Variants in IL1RAPL1 observed in about 807,000 individuals in gnomAD.
IL1RAPL1 encodes the protein interleukin 1 receptor accessory protein like 1, also known as interleukin-1 receptor accessory protein-like 1.
A neutral mutation model predicts 48.4 loss-of-function variants in IL1RAPL1; 3 were observed. That is an observed-to-expected ratio of 0.06 (90% CI 0.03 to 0.16). IL1RAPL1 has a LOEUF of 0.16. Among genes scored for constraint, IL1RAPL1 ranks in the 10% least tolerant of loss-of-function variants. The pLI is 1.00. For synonymous variants in IL1RAPL1, 185 were observed against 187.7 expected (o/e 0.99, Z 0.12); for missense variants, 349 against 530.6 (o/e 0.66, Z 3.36).
chrX:28,992,224 C>G (rs1925620228), intron 2 of IL1RAPL1, among the ~76,000 whole-genome samples: 1 of 111,327 alleles, frequency 9.0e-6, no homozygotes. Context: ...GGTGCGGTGG[C>G]TCACACCTGT....
chrX:28,837,656 A>G (rs928477867), intron 2 of IL1RAPL1, among the ~76,000 whole-genome samples: 1 of 101,587 alleles, frequency 9.8e-6, no homozygotes, highest in Non-Finnish European at 2.0e-5. Context: ...AGGTGCTACC[A>G]CAGTTACTAG....
chrX:28,824,462 C>G (rs1481515524), intron 2 of IL1RAPL1, among the ~76,000 whole-genome samples: 1 of 110,835 alleles, frequency 9.0e-6, no homozygotes, highest in Non-Finnish European at 1.9e-5. Context: ...CTATGTGTCT[C>G]AACCCCTTTT....
chrX:29,947,150 A>T (rs1049167595), intron 9 of IL1RAPL1, among the ~76,000 whole-genome samples: 1 of 111,794 alleles, frequency 8.9e-6, no homozygotes, highest in Non-Finnish European at 1.9e-5. Flanking sequence ...AGTAGAACTT[A>T]TACTAACAAA....
chrX:28,981,278 A>G (rs181273800), intron 2 of IL1RAPL1, among the ~76,000 whole-genome samples: 4 of 108,653 alleles, frequency 3.7e-5, no homozygotes, highest in Admixed American at 9.9e-5. Flanking sequence ...CCTTATTAAC[A>G]TTGATACTAA....
At chrX:29,496,277 A>G (rs1935212040) in intron 5 of IL1RAPL1, among the ~76,000 whole-genome samples, 1 of 110,583 alleles carries the variant, frequency 9.0e-6, no homozygotes, top group Non-Finnish European at 1.9e-5. Context: ...TATAGTTTGC[A>G]TATTTATCCC....
chrX:29,782,629 A>G (rs1231621731), intron 6 of IL1RAPL1, among the ~76,000 whole-genome samples: 1 of 111,552 alleles, frequency 9.0e-6, no homozygotes, highest in African/African-American at 3.3e-5. Flanking sequence ...AAAACTGGGC[A>G]GAAGTAATTC....
intron 2 of IL1RAPL1, among the ~76,000 whole-genome samples, chrX:28,980,574 G>A (rs900112911): frequency 8.9e-6 from 1 of 111,874 alleles, no homozygotes; most frequent in African/African-American, 3.3e-5. Context: ...CATTTATGAT[G>A]CTTGTAATTA....
At chrX:29,221,664 CACACACACAT>C (rs1422126113) in intron 2 of IL1RAPL1, among the ~76,000 whole-genome samples, 11 of 89,433 alleles carry the variant, frequency 1.2e-4, no homozygotes, top group Non-Finnish European at 2.1e-4. Context: ...CACACACACA[CACACACACAT>C]ATGACAGACT....
Position 28,650,218 on chromosome X carries a change from A to G in IL1RAPL1, c.-25+62171A>G, listed in dbSNP as rs1320678272. Among the ~76,000 whole-genome samples, 13 of 111,695 alleles carry G rather than the reference A, an allele frequency of 1.2e-4. No homozygotes were observed. In the Admixed American group the frequency reaches 1.2e-3, roughly 11 times the overall value. ...CTTGAATGATAGTCATGGGTTCTGAATTGTACATTGTATTAGTCCATTTTC... is the reference window on the plus strand; with the variant it reads ...CTTGAATGATAGTCATGGGTTCTGAGTTGTACATTGTATTAGTCCATTTTC... On this transcript the variant is annotated intron_variant, in intron 1 of 10. Transcript: ENST00000378993.
At chrX:29,014,789 A>G (rs183925913) in intron 2 of IL1RAPL1, among the ~76,000 whole-genome samples, 1 of 112,140 alleles carries the variant, frequency 8.9e-6, no homozygotes, top group African/African-American at 3.2e-5. Context: ...TAGCTCATCT[A>G]TGTAAAATAG....
intron 3 of IL1RAPL1, among the ~76,000 whole-genome samples, chrX:29,286,960 G>A (rs1221993496): frequency 9.1e-6 from 1 of 110,064 alleles, no homozygotes; most frequent in Non-Finnish European, 1.9e-5. Context: ...TTTGCTCGGT[G>A]GTAGCATTTT....
At chrX:29,220,171 C>G (rs994120015) in intron 2 of IL1RAPL1, among the ~76,000 whole-genome samples, 1 of 111,924 alleles carries the variant, frequency 8.9e-6, no homozygotes, top group Non-Finnish European at 1.9e-5. Flanking sequence ...ACCTTACCAA[C>G]TGCCCACCTG....
chrX:28,908,937 C>T (rs1243969008), intron 2 of IL1RAPL1, among the ~76,000 whole-genome samples: 1 of 111,636 alleles, frequency 9.0e-6, no homozygotes, highest in Non-Finnish European at 1.9e-5. Context: ...TGTTATGTAG[C>T]GTCCTTCCTT....
intron 5 of IL1RAPL1, among the ~76,000 whole-genome samples, chrX:29,648,838 G>A (rs5927985): frequency 0.098 from 10,802 of 110,286 alleles, 1,024 homozygotes; most frequent in African/African-American, 0.28. Context: ...GATGAATGAA[G>A]CAAAGGCTTT....
At chrX:29,177,412 C>A (rs1056699512) in intron 2 of IL1RAPL1, among the ~76,000 whole-genome samples, 14 of 111,753 alleles carry the variant, frequency 1.3e-4, no homozygotes, top group Non-Finnish European at 2.4e-4. Flanking sequence ...GCTGAATAGA[C>A]CTATTTTATT....
chrX:29,489,602 T>G (rs917604286), intron 5 of IL1RAPL1, among the ~76,000 whole-genome samples: 2 of 112,162 alleles, frequency 1.8e-5, no homozygotes, highest in African/African-American at 6.5e-5. Context: ...AAAGAGTAGT[T>G]TCTTATAAAA....
intron 2 of IL1RAPL1, among the ~76,000 whole-genome samples, chrX:28,966,390 A>G (rs761197820): frequency 5.4e-5 from 6 of 111,990 alleles, no homozygotes; most frequent in African/African-American, 1.9e-4. Context: ...TACAACAGGG[A>G]AGAAGGGTGA....
At chrX:29,582,341 G>C (rs1181455033) in intron 5 of IL1RAPL1, among the ~76,000 whole-genome samples, 1 of 101,205 alleles carries the variant, frequency 9.9e-6, no homozygotes, top group African/African-American at 4.0e-5. Context: ...TAATGATAAA[G>C]ATAGCATCTT....
chrX:29,761,744 G>A (rs1274405973), intron 6 of IL1RAPL1, among the ~76,000 whole-genome samples: 3 of 96,401 alleles, frequency 3.1e-5, no homozygotes. Flanking sequence ...TGTCAATTTT[G>A]TATATATCAC....
Sources: allele counts gnomAD v4.1 joint callset (sites outside exome capture counted in the v4.1 genomes callset), GRCh38; gene constraint gnomAD v4.1.1; transcripts MANE v1.5; gene names NCBI Gene and HGNC (gene_info 2026-07-23, HGNC 2026-07-21).